Variants in PAX7 observed in about 807,000 individuals in gnomAD.
PAX7 encodes the protein paired box 7.
PAX7 carries 18 observed loss-of-function variants against 50.7 expected under a neutral mutation model. The ratio of observed to expected loss-of-function variants is 0.36; its 90% CI spans 0.25 to 0.53. PAX7 has a LOEUF of 0.53. Ranked by LOEUF, PAX7 falls within the 20% of genes least tolerant of loss-of-function variation. The pLI is 0.93. For synonymous variants in PAX7, 310 were observed against 290.4 expected (o/e 1.07, Z -0.69); for missense variants, 644 against 702.9 (o/e 0.92, Z 0.95).
chr1:18,696,947 T>C (rs1248320668), intron 5 of PAX7, among the ~76,000 whole-genome samples: 1 of 152,186 alleles, frequency 6.6e-6, no homozygotes, highest in Non-Finnish European at 1.5e-5. Flanking sequence ...CTTGAGGTGA[T>C]GGATACCCCA....
intron 7 of PAX7, among the ~76,000 whole-genome samples, chr1:18,720,102 T>A (rs1458998569): frequency 6.6e-6 from 1 of 152,102 alleles, no homozygotes; most frequent in East Asian, 1.9e-4. Flanking sequence ...ACAGGCAGGG[T>A]CTGGAGCAGA....
chr1:18,660,035 T>A (rs894035351), intron 4 of PAX7, among the ~76,000 whole-genome samples: 12 of 152,034 alleles, frequency 7.9e-5, no homozygotes, highest in African/African-American at 2.7e-4. Context: ...ATGTAGGAGG[T>A]CGGAATTCGT....
intron 4 of PAX7, among the ~76,000 whole-genome samples, chr1:18,654,474 T>C (rs2088482029): frequency 6.6e-6 from 1 of 152,078 alleles, no homozygotes; most frequent in Non-Finnish European, 1.5e-5. Context: ...TGCAACACAG[T>C]AAAACAAATC....
intron 4 of PAX7, among the ~76,000 whole-genome samples, chr1:18,677,942 C>T (rs935065524): frequency 6.6e-6 from 1 of 151,584 alleles, no homozygotes; most frequent in Admixed American, 6.6e-5. Flanking sequence ...ATTAGCCGGG[C>T]GTGGTGGCAT....
chr1:18,677,927 C>T (rs2088846510), intron 4 of PAX7, among the ~76,000 whole-genome samples: 1 of 151,326 alleles, frequency 6.6e-6, no homozygotes, highest in Admixed American at 6.6e-5. Context: ...ACTAAGCATA[C>T]AAAAATTAGC....
At chr1:18,639,580 A>G (rs978456672) in intron 4 of PAX7, among the ~76,000 whole-genome samples, 2 of 152,108 alleles carry the variant, frequency 1.3e-5, no homozygotes, top group African/African-American at 4.8e-5. Context: ...TCCGAGGATC[A>G]GGGGATAGAC....
rs549650420 is a variant in PAX7 at position 18,693,180 on chromosome 1, G to A, written c.786+1227G>A. Among the ~76,000 whole-genome samples the A allele has an allele frequency of 2.6e-5, 4 of 152,304 alleles. No homozygotes were observed. The South Asian group carries it at 8.3e-4, about 32-fold the overall frequency. The stretch of plus-strand genomic sequence containing the variant: ...TCCCCATTACCAGAATCTAAGCAGT[G>A]CTCAGGGAGTCAGAGCGGCCTGCAG... On this transcript the variant is annotated intron_variant, in intron 5 of 8. Transcript: ENST00000420770.
chr1:18,720,006 G>A (rs963117260), intron 7 of PAX7, among the ~76,000 whole-genome samples: 4 of 152,266 alleles, frequency 2.6e-5, no homozygotes, highest in African/African-American at 4.8e-5. Context: ...GGTGAGCCCC[G>A]TGGTCAGCAG....
At chr1:18,728,124 T>A (rs1449656075) in intron 7 of PAX7, among the ~76,000 whole-genome samples, 1 of 152,036 alleles carries the variant, frequency 6.6e-6, no homozygotes, top group Non-Finnish European at 1.5e-5. Flanking sequence ...TGTGTCTGGG[T>A]GTCCCCTGGG....
At chr1:18,644,708 C>T (rs2088310889) in intron 4 of PAX7, among the ~76,000 whole-genome samples, 2 of 151,964 alleles carry the variant, frequency 1.3e-5, no homozygotes, top group Non-Finnish European at 2.9e-5. Context: ...TTGGTCTGGT[C>T]CTTGCTGCTT....
At chr1:18,741,878 G>A (rs1343342997) in intron 8 of PAX7, among the ~76,000 whole-genome samples, 1 of 152,194 alleles carries the variant, frequency 6.6e-6, no homozygotes, top group South Asian at 2.1e-4. Context: ...TGCAGGGGTG[G>A]CTGGGATCCA....
chr1:18,669,254 C>G (rs2088709668), intron 4 of PAX7, among the ~76,000 whole-genome samples: 1 of 152,206 alleles, frequency 6.6e-6, no homozygotes, highest in Non-Finnish European at 1.5e-5. Flanking sequence ...GTCTCTAAAG[C>G]TATATTCTGC....
chr1:18,680,190 A>C (rs1176543237), intron 4 of PAX7, among the ~76,000 whole-genome samples: 2 of 152,064 alleles, frequency 1.3e-5, no homozygotes, highest in Non-Finnish European at 2.9e-5. Context: ...CAAGGTTCCC[A>C]CCCCTGGAGC....
At chr1:18,649,505 A>G (rs1455011111) in intron 4 of PAX7, among the ~76,000 whole-genome samples, 2 of 151,982 alleles carry the variant, frequency 1.3e-5, no homozygotes, top group African/African-American at 2.4e-5. Context: ...TTCTTACCCC[A>G]TCTGGACAAT....
chr1:18,637,712 G>C (rs1290325219), intron 4 of PAX7, among the ~76,000 whole-genome samples: 1 of 152,386 alleles, frequency 6.6e-6, no homozygotes, highest in Middle Eastern at 3.4e-3. Flanking sequence ...GGCGTGGTCC[G>C]AGGAGGAAGG....
chr1:18,712,408 TC>T (rs2089364063), intron 7 of PAX7, among the ~76,000 whole-genome samples: 1 of 152,160 alleles, frequency 6.6e-6, no homozygotes, highest in Admixed American at 6.5e-5. Flanking sequence ...CAGAGCCTCT[TC>T]TCCTGTGAAA....
At chr1:18,671,033 C>G (rs545182008) in intron 4 of PAX7, among the ~76,000 whole-genome samples, 1 of 152,262 alleles carries the variant, frequency 6.6e-6, no homozygotes, top group East Asian at 1.9e-4. Context: ...GCTCCCAGCA[C>G]CCCATACCCC....
chr1:18,694,328 G>A (rs920162444), intron 5 of PAX7, among the ~76,000 whole-genome samples: 1 of 151,842 alleles, frequency 6.6e-6, no homozygotes, highest in East Asian at 1.9e-4. Context: ...GCATGCTAGC[G>A]CATGCCTGTA....
chr1:18,665,288 G>C (rs1445341353), intron 4 of PAX7, among the ~76,000 whole-genome samples: 1 of 152,204 alleles, frequency 6.6e-6, no homozygotes, highest in Non-Finnish European at 1.5e-5. Flanking sequence ...TAGCCAACCT[G>C]TGAAGGTGAG....
Sources: allele counts gnomAD v4.1 joint callset (sites outside exome capture counted in the v4.1 genomes callset), GRCh38; gene constraint gnomAD v4.1.1; transcripts MANE v1.5; gene names NCBI Gene and HGNC (gene_info 2026-07-23, HGNC 2026-07-21).